RFTN1: variants seen among roughly 807,000 people sequenced by gnomAD.
The protein encoded by RFTN1 is raftlin.
In RFTN1, 26 loss-of-function variants were observed where a neutral mutation model predicts 46.5. The ratio of observed to expected loss-of-function variants is 0.56; its 90% confidence interval spans 0.41 to 0.78. The LOEUF (loss-of-function observed/expected upper bound fraction) is 0.78. RFTN1 is among the 30% of genes least tolerant of loss of function. The probability of loss-of-function intolerance (pLI) is 0.00; values close to 1 mark genes in which losing one functional copy is unlikely to be tolerated. For missense variants in RFTN1, 693 were observed against 718.7 expected (o/e 0.96, Z 0.41); for synonymous variants, 261 against 284.2 (o/e 0.92, Z 0.82).
intron 2 of RFTN1, among the ~76,000 whole-genome samples, chr3:16,444,758 G>A (rs552951816): frequency 3.3e-5 from 5 of 152,340 alleles, no homozygotes; most frequent in South Asian, 2.1e-4. Context: ...TTTGAACTTC[G>A]TGGTGGGAGT....
At chr3:16,378,779 G>C (rs79912454) in intron 4 of RFTN1, among the ~76,000 whole-genome samples, 3,483 of 129,690 alleles carry the variant, frequency 0.027, 134 homozygotes, top group African/African-American at 0.1. Context: ...ACTGACTCTT[G>C]GCTCTCCAAG....
rs4685334 is a variant in RFTN1 at position 16,407,083 on chromosome 3, G to A, written c.441+2292C>T. Among the ~76,000 whole-genome samples, 7 of 152,080 alleles carry A rather than the reference G, an allele frequency of 4.6e-5. No homozygotes were observed. The highest frequency in any genetic ancestry group is 1.9e-4 in the East Asian group (1 of 5,196). On this transcript the variant is annotated intron_variant, in intron 4 of 9. Coordinates refer to ENST00000334133, the MANE Select transcript of RFTN1 (RefSeq NM_015150.2). This position sits in a 1 kb window ranked among gnomAD's most constrained non-coding sequence, Gnocchi z 4.0. The stretch of plus-strand genomic sequence containing the variant: ...ACAACACCCCAGTAGCTCGCAAATC[G>A]GGCTGTTTCCTGAAGAACTGAGACA...
Position 16,443,560 on chromosome 3 carries a change from C to A in RFTN1, c.146-9523G>T, listed in dbSNP as rs1484807533. Among the ~76,000 whole-genome samples the A allele has an allele frequency of 2.0e-5, 3 of 152,126 alleles. No homozygotes were observed. The East Asian group carries it at 5.8e-4, about 29-fold the overall frequency. On this transcript the variant is annotated intron_variant, in intron 2 of 9. Coordinates refer to ENST00000334133, the MANE Select transcript of RFTN1 (RefSeq NM_015150.2). The surrounding 1 kb of genome is among the most constrained non-coding windows in gnomAD (Gnocchi z 5.5). ...TTTAAGCTTATATAAACCTAAGATT[C>A]TGCAGGTCAATTAGGGAGTAACTGG...
Position 16,446,603 on chromosome 3 carries a change from A to G in RFTN1, c.146-12566T>C, listed in dbSNP as rs777429826. ...GGGAAAATCAAAGGTTGATATGACA[A>G]CAAAAGCAAAGGAAGAATGTAAAAA... is the stretch of plus-strand genomic sequence containing the variant. On this transcript the variant is annotated intron_variant, in intron 2 of 9. Coordinates refer to ENST00000334133, the MANE Select transcript of RFTN1 (RefSeq NM_015150.2). This position sits in a 1 kb window ranked among gnomAD's most constrained non-coding sequence, Gnocchi z 4.5. Among the ~76,000 whole-genome samples, 6 of 152,226 alleles carry G rather than the reference A, an allele frequency of 3.9e-5. No homozygotes were observed. Among genetic ancestry groups the G allele is most frequent in the Non-Finnish European group, 8.8e-5 (6 of 68,038 alleles).
intron 2 of RFTN1, among the ~76,000 whole-genome samples, chr3:16,455,095 G>A (rs886439587): frequency 3.3e-5 from 5 of 152,140 alleles, no homozygotes; most frequent in Non-Finnish European, 5.9e-5. Context: ...CTGCAGCCAG[G>A]CTTTGTCTCC....
In RFTN1 at chr3:16,451,394, C is replaced by A. The variant is rs1040994102; in HGVS notation, c.146-17357G>T. Among the ~76,000 whole-genome samples the A allele has an allele frequency of 1.3e-5, 2 of 152,208 alleles. No homozygotes were observed. Among genetic ancestry groups the A allele is most frequent in the Non-Finnish European group, 2.9e-5 (2 of 68,036 alleles). ...GTCTAATAGGGCACTCTCCAGTACA[C>A]CCATGACTTTCTGCTTCATTAGCTG... is the stretch of plus-strand genomic sequence containing the variant. On this transcript the variant is annotated intron_variant, in intron 2 of 9. Transcript: ENST00000334133. This position sits in a 1 kb window ranked among gnomAD's most constrained non-coding sequence, Gnocchi z 4.2.
chr3:16,344,331 T>G lies in RFTN1; in HGVS notation c.1146+13601A>C, dbSNP rs963933484. ...TGGATTAGATCAGTAATTTTCAAGG[T>G]TTTTTTTTTTTAATTAGTAGGATGC... On this transcript the variant is annotated intron_variant, in intron 7 of 9. Transcript: ENST00000334133. The surrounding 1 kb of genome is among the most constrained non-coding windows in gnomAD (Gnocchi z 4.4). Among the ~76,000 whole-genome samples, 6 of 79,736 alleles carry G rather than the reference T, an allele frequency of 7.5e-5. No homozygotes were observed. The East Asian group carries it at 1.3e-3, about 17-fold the overall frequency. 52.3% of individuals were successfully genotyped at this position (79,736 alleles called of 152,430 possible).
intron 3 of RFTN1, among the ~76,000 whole-genome samples, chr3:16,423,847 C>G (rs41474845): frequency 0.078 from 11,923 of 152,246 alleles, 1,132 homozygotes; most frequent in African/African-American, 0.23. Flanking sequence ...CTCATTCTCT[C>G]TAACAAAGAC....
At position 16,447,433 on chromosome 3, in the gene RFTN1, C is replaced by A. The variant is rs1390234566; in HGVS notation, c.146-13396G>T. On this transcript the variant is annotated intron_variant, in intron 2 of 9. Coordinates refer to ENST00000334133, the MANE Select transcript of RFTN1 (RefSeq NM_015150.2). This position sits in a 1 kb window ranked among gnomAD's most constrained non-coding sequence, Gnocchi z 5.9. ...AGTTGAGCAGCTCCGGCTCCATTAA[C>A]CAATTTGCATGCAAAATCGACATCA... is the stretch of plus-strand genomic sequence containing the variant. Among the ~76,000 whole-genome samples, 2 of 152,214 alleles carry A rather than the reference C, an allele frequency of 1.3e-5. No homozygotes were observed. The highest frequency in any genetic ancestry group is 2.4e-5 in the African/African-American group (1 of 41,446).
rs1575332148 is a variant in RFTN1, at chr3:16,466,542, G to C, written c.145+27183C>G. On this transcript the variant is annotated intron_variant, in intron 2 of 9. Coordinates refer to ENST00000334133, the MANE Select transcript of RFTN1 (RefSeq NM_015150.2). The surrounding 1 kb of genome is among the most constrained non-coding windows in gnomAD (Gnocchi z 5.6). ...CACTTAAGGCCGTTTCAGAGAAGCAGCCATTACACCCCTTTCCTTCTGGGC... is the reference window on the plus strand; with the variant it reads ...CACTTAAGGCCGTTTCAGAGAAGCACCCATTACACCCCTTTCCTTCTGGGC... Among the ~76,000 whole-genome samples, 3 of 152,238 alleles carry C rather than the reference G, an allele frequency of 2.0e-5. No homozygotes were observed. Among genetic ancestry groups the C allele is most frequent in the Admixed American group, 2.0e-4 (3 of 15,294 alleles).
chr3:16,402,156 A>AC lies in RFTN1; in HGVS notation c.441+7218dup. On this transcript the variant is annotated intron_variant, in intron 4 of 9. Coordinates refer to ENST00000334133, the MANE Select transcript of RFTN1 (RefSeq NM_015150.2). The surrounding 1 kb of genome is among the most constrained non-coding windows in gnomAD (Gnocchi z 4.5). ...GCTGTGTTCTTGGTCCTTACAGATG[A>AC]CCCCATCTCACACCTGAGTCACCCA... 6.6e-6 allele frequency among the ~76,000 whole-genome samples: 1 copy of AC among 151,818 alleles called. No homozygotes were observed. The highest frequency in any genetic ancestry group is 1.5e-5 in the Non-Finnish European group (1 of 67,958).
chr3:16,508,040 T>C (rs2076839499), intron 1 of RFTN1, among the ~76,000 whole-genome samples: 1 of 152,212 alleles, frequency 6.6e-6, no homozygotes, highest in Admixed American at 6.5e-5. Context: ...ATACGGGATC[T>C]TAAAGTAGCA....
intron 5 of RFTN1, among the ~76,000 whole-genome samples, chr3:16,373,002 G>A (rs548736603): frequency 1.2e-3 from 190 of 152,310 alleles, no homozygotes; most frequent in African/African-American, 4.4e-3. Flanking sequence ...AACCAGCCAA[G>A]AGAACTGTCC....
In RFTN1 at chr3:16,448,016, A is replaced by G. The variant is rs2075762495; in HGVS notation, c.146-13979T>C. Among the ~76,000 whole-genome samples, 1 of 151,600 alleles carries G rather than the reference A, an allele frequency of 6.6e-6. No homozygotes were observed. Among genetic ancestry groups the G allele is most frequent in the African/African-American group, 2.4e-5 (1 of 41,222 alleles). On this transcript the variant is annotated intron_variant, in intron 2 of 9. Coordinates refer to ENST00000334133, the MANE Select transcript of RFTN1 (RefSeq NM_015150.2). The surrounding 1 kb of genome is among the most constrained non-coding windows in gnomAD (Gnocchi z 4.1). ...TTTCTTTTCTTCCTCCCTTCCATCC[A>G]GGGAGCCACCAGCCACATGTGGCTA...
chr3:16,398,453 C>G (rs1045426878), intron 4 of RFTN1, among the ~76,000 whole-genome samples: 1 of 152,056 alleles, frequency 6.6e-6, no homozygotes, highest in Non-Finnish European at 1.5e-5. Flanking sequence ...TGGCCAAAAA[C>G]AAACATGAGT....
In RFTN1 at chr3:16,316,981, C is replaced by T. The variant is rs761070522; in HGVS notation, c.1584G>A (p.Gly528=). The T allele has an allele frequency of 1.9e-6, 3 of 1,614,062 alleles. No individual in the cohort carries two copies. The highest frequency in any genetic ancestry group is 1.3e-5 in the African/African-American group (1 of 75,022). ...GCACAGCCTCACCCTCCACACCCAC[C>T]CCACACAGCAGGCCACCAGGGGACA... ...EQLSPGGLLC[G]VGVEGEAVQN... The change falls in exon 10 of 10, where the codon GGG becomes GGA. Residue 528 remains glycine (G), a synonymous_variant. Coordinates refer to ENST00000334133, the MANE Select transcript of RFTN1 (RefSeq NM_015150.2). This position sits in a 1 kb window ranked among gnomAD's most constrained non-coding sequence, Gnocchi z 4.5.
In RFTN1 at chr3:16,320,324, TGATTAAAAGAA is replaced by T. The variant is rs2068901612; in HGVS notation, c.1332+3041_1332+3051del. Among the ~76,000 whole-genome samples the T allele has an allele frequency of 6.6e-6, 1 of 152,230 alleles. No individual in the cohort carries two copies. Among genetic ancestry groups the T allele is most frequent in the Non-Finnish European group, 1.5e-5 (1 of 68,040 alleles). On this transcript the variant is annotated intron_variant, in intron 9 of 9. Transcript: ENST00000334133. This position sits in a 1 kb window ranked among gnomAD's most constrained non-coding sequence, Gnocchi z 4.5. ...GATTAGAAAAATCTATCCATGTTGC[TGATTAAAAGAA>T]GACTAAATATGCCACATCCTCGGTG...
rs572227694 is a variant in RFTN1, at chr3:16,463,454, C to T, written c.146-29417G>A. ...TCTTGTCTTCTGCTACATATGATCT[C>T]TCTGTTAAAACCCTATCCATTGAGT... On this transcript the variant is annotated intron_variant, in intron 2 of 9. Coordinates refer to ENST00000334133, the MANE Select transcript of RFTN1 (RefSeq NM_015150.2). Among the ~76,000 whole-genome samples the T allele has an allele frequency of 6.6e-5, 10 of 152,290 alleles. 1 individual carries two copies. In the South Asian group the frequency reaches 2.1e-3, roughly 32 times the overall value.
intron 9 of RFTN1, among the ~76,000 whole-genome samples, chr3:16,319,219 GCCTA>G (rs1414160412): frequency 6.6e-6 from 1 of 152,194 alleles, no homozygotes; most frequent in African/African-American, 2.4e-5. Flanking sequence ...GACCAGTGAA[GCCTA>G]CCTGTGTAGT....
Sources: gnomAD v4.1 joint callset for allele counts (sites outside exome capture counted in the v4.1 genomes callset) on GRCh38, gnomAD v4.1.1 for gene constraint, Gnocchi (gnomAD v3.1) non-coding constraint, MANE v1.5 for transcripts, NCBI Gene and HGNC (gene_info 2026-07-23, HGNC 2026-07-21) for gene names.